The following TENM2 variants were observed in gnomAD, a reference collection of about 807,000 sequenced individuals.
TENM2 encodes the protein teneurin-2.
In TENM2, 52 loss-of-function variants were observed where a neutral mutation model predicts 245.2. That is an observed-to-expected ratio of 0.21 (90% CI 0.17 to 0.27). TENM2 has a LOEUF of 0.27. TENM2 is among the 10% of genes least tolerant of loss of function. The pLI is 1.00. For missense variants in TENM2, 3,046 were observed against 3,666.8 expected, an observed-to-expected ratio of 0.83 and a Z score of 4.37; for synonymous variants, 1,363 against 1,438.9, an observed-to-expected ratio of 0.95 and a Z score of 1.19.
chr5:168,060,975 G>A (rs1179793128), intron 6 of TENM2, among the ~76,000 whole-genome samples: 1 of 152,116 alleles, frequency 6.6e-6, no homozygotes, highest in African/African-American at 2.4e-5. Flanking sequence ...TTCACAGAAT[G>A]TCGAGGGGAG....
At chr5:167,182,190 A>G in the TENM2 span, among the ~76,000 whole-genome samples, 1 of 152,202 alleles carries the variant, frequency 6.6e-6, no homozygotes, top group African/African-American at 2.4e-5. Flanking sequence ...AGCTAATGAT[A>G]TTGACTTAAA....
intron 2 of TENM2, among the ~76,000 whole-genome samples, chr5:167,593,560 A>C (rs1776015777): frequency 6.6e-6 from 1 of 152,252 alleles, no homozygotes; most frequent in Non-Finnish European, 1.5e-5. Context: ...CCAAGACCGC[A>C]GAATCTGTGT....
intron 2 of TENM2, among the ~76,000 whole-genome samples, chr5:167,677,122 C>G (rs1756384197): frequency 6.6e-6 from 1 of 152,124 alleles, no homozygotes; most frequent in Non-Finnish European, 1.5e-5. Flanking sequence ...AGTTCCTAGT[C>G]TAACAGCGAA....
chr5:167,910,663 A>G (rs1237213370), intron 3 of TENM2, among the ~76,000 whole-genome samples: 2 of 152,192 alleles, frequency 1.3e-5, no homozygotes, highest in Non-Finnish European at 2.9e-5. Context: ...CCTTTATACT[A>G]CAGTTTTACT....
the TENM2 span, among the ~76,000 whole-genome samples, chr5:167,136,279 A>C: frequency 1.3e-5 from 2 of 152,164 alleles, no homozygotes; most frequent in African/African-American, 4.8e-5. Context: ...TGAATCAACA[A>C]ATTGCTATCG....
At position 167,685,886 on chromosome 5, in the gene TENM2, G is replaced by A. The variant is rs78115182; in HGVS notation, c.503-190100G>A. 5.0e-3 allele frequency among the ~76,000 whole-genome samples: 765 copies of A among 152,312 alleles called. 8 individuals are homozygous for A. The highest frequency in any genetic ancestry group is 6.0e-3 in the Non-Finnish European group (407 of 68,030). ...CGCTTTTTCAACAGTGTATGGTTGA[G>A]TACCAGCTTGTAGAAGCAGGTAGTT... is the stretch of plus-strand genomic sequence containing the variant. On this transcript the variant is annotated intron_variant, in intron 2 of 28. Coordinates refer to ENST00000518659, the Ensembl canonical transcript of TENM2.
chr5:167,447,866 G>A (rs141932239), intron 2 of TENM2, among the ~76,000 whole-genome samples: 2 of 152,284 alleles, frequency 1.3e-5, no homozygotes, highest in Admixed American at 6.5e-5. Context: ...TGACAGAGGC[G>A]TTTCCACCGA....
chr5:167,021,930 T>C, the TENM2 span, among the ~76,000 whole-genome samples: 1 of 152,178 alleles, frequency 6.6e-6, no homozygotes, highest in Non-Finnish European at 1.5e-5. Context: ...TTAAGCAATT[T>C]GATATAAAAG....
chr5:167,025,082 T>C, the TENM2 span, among the ~76,000 whole-genome samples: 13 of 152,300 alleles, frequency 8.5e-5, no homozygotes, highest in African/African-American at 2.6e-4. Flanking sequence ...TTGAAAAACA[T>C]TGGCTTAGAT....
At chr5:167,655,054 A>C (rs955382037) in intron 2 of TENM2, among the ~76,000 whole-genome samples, 1 of 152,304 alleles carries the variant, frequency 6.6e-6, no homozygotes, top group African/African-American at 2.4e-5. Context: ...CAATTGTGTT[A>C]GTTATTTAAG....
chr5:167,997,110 AAAT>A (rs1354209479), intron 5 of TENM2, among the ~76,000 whole-genome samples: 1 of 152,186 alleles, frequency 6.6e-6, no homozygotes, highest in African/African-American at 2.4e-5. Context: ...CTCTAGCAGA[AAAT>A]AAAATCTGCA....
At chr5:168,004,533 A>G (rs1469233942) in intron 5 of TENM2, among the ~76,000 whole-genome samples, 3 of 151,754 alleles carry the variant, frequency 2.0e-5, no homozygotes, top group Non-Finnish European at 2.9e-5. Flanking sequence ...ACACACACAC[A>G]CACACACACA....
intron 4 of TENM2, among the ~76,000 whole-genome samples, chr5:167,963,000 C>T (rs779380417): frequency 2.0e-5 from 3 of 152,154 alleles, no homozygotes; most frequent in Non-Finnish European, 4.4e-5. Flanking sequence ...CTGATTAAAA[C>T]ATGTATTGTC....
At chr5:167,593,013 A>G (rs1311152039) in intron 2 of TENM2, among the ~76,000 whole-genome samples, 1 of 152,132 alleles carries the variant, frequency 6.6e-6, no homozygotes, top group Non-Finnish European at 1.5e-5. Flanking sequence ...TAAAAACTTT[A>G]TTTTAATAAT....
At chr5:168,246,109 T>C (rs1285652759) in intron 26 of TENM2, among the ~76,000 whole-genome samples, 1 of 152,024 alleles carries the variant, frequency 6.6e-6, no homozygotes, top group Non-Finnish European at 1.5e-5. Flanking sequence ...GGTGCATGCC[T>C]GTAATTCCAG....
chr5:167,009,444 A>T, the TENM2 span, among the ~76,000 whole-genome samples: 1 of 152,370 alleles, frequency 6.6e-6, no homozygotes, highest in South Asian at 2.1e-4. Flanking sequence ...CTACATAATT[A>T]ACAGGCTTTT....
At chr5:167,379,100 T>A (rs1760942208) in intron 2 of TENM2, among the ~76,000 whole-genome samples, 1 of 152,170 alleles carries the variant, frequency 6.6e-6, no homozygotes, top group Admixed American at 6.5e-5. Context: ...TTTTCATCTG[T>A]TGTAATTGGG....
chr5:167,733,567 C>T (rs1760585416), intron 2 of TENM2, among the ~76,000 whole-genome samples: 1 of 152,136 alleles, frequency 6.6e-6, no homozygotes, highest in Non-Finnish European at 1.5e-5. Flanking sequence ...TTTCTGAGAT[C>T]GCACAAACAG....
At chr5:167,574,107 G>C (rs1242083735) in intron 2 of TENM2, 2 of 152,106 alleles carry the variant, frequency 1.3e-5, no homozygotes, top group African/African-American at 2.4e-5. Flanking sequence ...AAAGGCATCC[G>C]CAGCAGAAGC....
Sources: gnomAD v4.1 joint callset for allele counts (sites outside exome capture counted in the v4.1 genomes callset) on GRCh38, gnomAD v4.1.1 for gene constraint, MANE v1.5 for transcripts, NCBI Gene and HGNC (gene_info 2026-07-23, HGNC 2026-07-21) for gene names.